The following GSE1 variants were observed in gnomAD, a reference collection of about 807,000 sequenced individuals.
The protein encoded by GSE1 is Gse1 coiled-coil protein.
A neutral mutation model predicts 112.6 loss-of-function variants in GSE1; 32 were observed. The observed-to-expected ratio is 0.28, with a 90% CI of 0.21 to 0.38. The LOEUF (loss-of-function observed/expected upper bound fraction) is 0.38, where lower values mean the gene tolerates loss of function less well. GSE1 is among the 10% of genes least tolerant of loss of function. GSE1 has a pLI of 1.00. For synonymous variants in GSE1, 1,115 were observed against 735.6 expected (o/e 1.52, Z -8.35); for missense variants, 2,348 against 1,699.2 (o/e 1.38, Z -6.71).
At chr16:85,507,926 A>G (rs919569417) in intron 2 of GSE1, among the ~76,000 whole-genome samples, 10 of 152,128 alleles carry the variant, frequency 6.6e-5, no homozygotes, top group Admixed American at 3.3e-4. Context: ...CTATGGGCTG[A>G]GCTCACCATG....
exon 1 of GSE1, chr16:85,169,674 G>T: frequency 1.0e-6 from 1 of 983,516 alleles, no homozygotes; most frequent in Non-Finnish European, 1.2e-6. Flanking sequence ...TGAAGCAGCC[G>T]GCGGCGGGCG....
chr16:85,263,684 C>G (rs984117450), intron 1 of GSE1, among the ~76,000 whole-genome samples: 1 of 151,836 alleles, frequency 6.6e-6, no homozygotes, highest in African/African-American at 2.4e-5. Context: ...GCGATTCTCC[C>G]GCCTCAGCCT....
intron 2 of GSE1, among the ~76,000 whole-genome samples, chr16:85,390,335 G>A (rs1391443441): frequency 2.6e-5 from 4 of 151,998 alleles, no homozygotes; most frequent in Non-Finnish European, 4.4e-5. Flanking sequence ...AGACGGGGAC[G>A]GGGCCTCCTT....
At chr16:85,220,209 A>T (rs12928372) in intron 1 of GSE1, among the ~76,000 whole-genome samples, 2 of 152,100 alleles carry the variant, frequency 1.3e-5, no homozygotes, top group African/African-American at 2.4e-5. Context: ...TGGGATTTCA[A>T]GAGCTCTTCC....
chr16:85,563,227 T>TTA (rs111793993), intron 1 of GSE1, among the ~76,000 whole-genome samples: 11,329 of 151,414 alleles, frequency 0.075, 477 homozygotes, highest in Middle Eastern at 0.14. Context: ...CCATATAGAT[T>TTA]TAAAGTCCTT....
chr16:85,305,434 G>A (rs575442117), intron 1 of GSE1, among the ~76,000 whole-genome samples: 1 of 151,760 alleles, frequency 6.6e-6, no homozygotes, highest in African/African-American at 2.4e-5. Flanking sequence ...GCAGGCATGA[G>A]CCACATGCCC....
intron 2 of GSE1, among the ~76,000 whole-genome samples, chr16:85,475,548 G>A (rs1160520223): frequency 6.6e-6 from 1 of 152,246 alleles, no homozygotes; most frequent in Non-Finnish European, 1.5e-5. Context: ...TCACGATGCT[G>A]GCTCCAGCCT....
intron 14 of GSE1, among the ~76,000 whole-genome samples, chr16:85,669,669 T>G (rs2053167791): frequency 6.6e-6 from 1 of 152,240 alleles, no homozygotes; most frequent in Non-Finnish European, 1.5e-5. Flanking sequence ...TTTGGTGTGG[T>G]GTTGGGAATT....
chr16:85,191,352 C>G (rs746774567), intron 1 of GSE1, among the ~76,000 whole-genome samples: 1 of 152,238 alleles, frequency 6.6e-6, no homozygotes, highest in East Asian at 1.9e-4. Context: ...GTGTACAATT[C>G]AATGTTTTTA....
At chr16:85,609,251 C>A (rs59085364), upstream of GSE1, among the ~76,000 whole-genome samples, 13,015 of 152,032 alleles carry the variant, frequency 0.086, 1,692 homozygotes, top group African/African-American at 0.28. Flanking sequence ...TAAAAACAAC[C>A]AAAAAAAGAC....
intron 2 of GSE1, among the ~76,000 whole-genome samples, chr16:85,500,462 C>A (rs963783871): frequency 2.0e-5 from 3 of 152,238 alleles, no homozygotes; most frequent in Non-Finnish European, 4.4e-5. Context: ...CACAGCCCAG[C>A]CTTCGATTCC....
At chr16:85,640,979 C>T (rs574350504) in intron 2 of GSE1, among the ~76,000 whole-genome samples, 4 of 152,244 alleles carry the variant, frequency 2.6e-5, no homozygotes, top group South Asian at 4.1e-4. Flanking sequence ...CACCACCTAT[C>T]CCGACCCCTT....
At chr16:85,353,211 C>G (rs769892618) in intron 1 of GSE1, among the ~76,000 whole-genome samples, 58 of 152,130 alleles carry the variant, frequency 3.8e-4, no homozygotes, top group Non-Finnish European at 6.3e-4. Context: ...GCAGTCTCAC[C>G]TGGGGACTCG....
At chr16:85,488,709 G>A (rs962224977) in intron 2 of GSE1, among the ~76,000 whole-genome samples, 18 of 152,204 alleles carry the variant, frequency 1.2e-4, no homozygotes, top group African/African-American at 9.7e-5. Context: ...TTGTGAGGTG[G>A]AGAGCAGAGG....
Position 85,667,354 on chromosome 16 carries a change from C to T in GSE1, c.3131-786C>T, listed in dbSNP as rs574417304. On this transcript the variant is annotated intron_variant, in intron 13 of 15. Coordinates refer to ENST00000253458, the MANE Select transcript of GSE1 (RefSeq NM_014615.5). ...GGCTGGTCTCAGGCCCCACCAGGGG[C>T]TGCCATCCCCACGGGAGGCCAGGTG... Among the ~76,000 whole-genome samples the T allele has an allele frequency of 4.6e-5, 7 of 152,390 alleles. 1 individual carries two copies. In the South Asian group the frequency reaches 1.2e-3, roughly 27 times the overall value.
intron 2 of GSE1, among the ~76,000 whole-genome samples, chr16:85,511,496 C>A (rs907394016): frequency 1.3e-5 from 2 of 150,338 alleles, no homozygotes; most frequent in Non-Finnish European, 3.0e-5. Flanking sequence ...CCATTGCACT[C>A]CAGCCTGGGC....
chr16:85,617,954 C>G (rs1427256602), intron 1 of GSE1, among the ~76,000 whole-genome samples: 3 of 152,152 alleles, frequency 2.0e-5, no homozygotes. Flanking sequence ...CCTGGCTGCT[C>G]TCTGGATGTC....
At chr16:85,215,440 A>T (rs2075292404) in intron 1 of GSE1, among the ~76,000 whole-genome samples, 1 of 152,108 alleles carries the variant, frequency 6.6e-6, no homozygotes, top group African/African-American at 2.4e-5. Flanking sequence ...TAAAAACTAC[A>T]CCTTAGATAC....
intron 12 of GSE1, 101 bp downstream of exon 12, chr16:85,665,229 C>A: frequency 1.5e-6 from 1 of 670,176 alleles, no homozygotes; most frequent in Non-Finnish European, 2.7e-6. Flanking sequence ...GTGAATGTGG[C>A]CTCCTGCAGG....
Sources: gnomAD v4.1 joint callset for allele counts (sites outside exome capture counted in the v4.1 genomes callset) on GRCh38, gnomAD v4.1.1 for gene constraint, MANE v1.5 for transcripts, NCBI Gene and HGNC (gene_info 2026-07-23, HGNC 2026-07-21) for gene names.